ZFPM2: variants seen among roughly 807,000 people sequenced by gnomAD.
ZFPM2 encodes the protein zinc finger protein, FOG family member 2.
ZFPM2 carries 20 observed loss-of-function variants against 98.6 expected under a neutral mutation model. The observed-to-expected ratio is 0.20, with a 90% CI of 0.14 to 0.29. The LOEUF (loss-of-function observed/expected upper bound fraction) is 0.29, where lower values mean the gene tolerates loss of function less well. Ranked by LOEUF, ZFPM2 falls within the 10% of genes least tolerant of loss-of-function variation. ZFPM2 has a pLI of 1.00. For missense variants in ZFPM2, 1,310 were observed against 1,388.6 expected (o/e 0.94, Z 0.90); for synonymous variants, 518 against 502.7 (o/e 1.03, Z -0.41).
intron 3 of ZFPM2, among the ~76,000 whole-genome samples, chr8:105,521,525 T>C (rs1393111990): frequency 6.6e-6 from 1 of 151,948 alleles, no homozygotes; most frequent in African/African-American, 2.4e-5. Flanking sequence ...AGAAAAAATA[T>C]GGAACTCAAA....
chr8:105,318,843 C>CCAGCGG lies in ZFPM2; in HGVS notation c.-97_-92dup, dbSNP rs1163821565. 7.7e-4 allele frequency: 345 copies of CCAGCGG among 445,996 alleles called. 1 individual carries two copies. In the East Asian group the frequency reaches 0.037, roughly 48 times the overall value. The allele number at this position is 445,996 out of a possible 1,614,324, so 27.6% of individuals were successfully genotyped here. ...CCGGCCGGCGGCGGGCCGAGCCTGG[C>CCAGCGG]CAGCGGCGGCGGCGGCGGCGGCGGC... is the stretch of plus-strand genomic sequence containing the variant. On this transcript the variant is annotated 5_prime_UTR_variant, in exon 1 of 8. Coordinates refer to ENST00000407775, the MANE Select transcript of ZFPM2 (RefSeq NM_012082.4).
intron 5 of ZFPM2, among the ~76,000 whole-genome samples, chr8:105,697,131 A>G (rs1240998999): frequency 2.0e-5 from 3 of 152,202 alleles, no homozygotes; most frequent in African/African-American, 7.2e-5. Flanking sequence ...CCAACTTCAT[A>G]TAATTTAAAA....
intron 3 of ZFPM2, among the ~76,000 whole-genome samples, chr8:105,545,063 A>G (rs979939843): frequency 6.6e-6 from 1 of 152,192 alleles, no homozygotes; most frequent in Non-Finnish European, 1.5e-5. Flanking sequence ...AGAAGCTGAA[A>G]TTATTAGAAT....
At chr8:105,621,556 A>C (rs1289625268) in intron 4 of ZFPM2, among the ~76,000 whole-genome samples, 4 of 152,166 alleles carry the variant, frequency 2.6e-5, no homozygotes, top group Non-Finnish European at 5.9e-5. Context: ...AGAACTTCCA[A>C]CACTATGTTG....
intron 1 of ZFPM2, among the ~76,000 whole-genome samples, chr8:105,342,827 A>G (rs1319454246): frequency 2.0e-5 from 3 of 152,188 alleles, no homozygotes; most frequent in African/African-American, 7.2e-5. Context: ...GGATATGAAA[A>G]TAGCAACATA....
At chr8:105,359,884 C>G (rs1157038254) in intron 1 of ZFPM2, among the ~76,000 whole-genome samples, 16 of 152,262 alleles carry the variant, frequency 1.1e-4, no homozygotes, top group Admixed American at 1.0e-3. Context: ...TTCAGCTGAA[C>G]TGATTAAAAT....
intron 5 of ZFPM2, among the ~76,000 whole-genome samples, chr8:105,648,767 T>A (rs2130863904): frequency 1.3e-5 from 2 of 152,342 alleles, no homozygotes; most frequent in East Asian, 3.9e-4. Flanking sequence ...ACCATGCTGT[T>A]TTGGTTTCTG....
At chr8:105,361,649 T>A (rs1187924866) in intron 1 of ZFPM2, among the ~76,000 whole-genome samples, 2 of 152,162 alleles carry the variant, frequency 1.3e-5, no homozygotes, top group Non-Finnish European at 2.9e-5. Flanking sequence ...GTAGATTACA[T>A]CATCTGTATT....
At position 105,444,366 on chromosome 8, in the gene ZFPM2, G is replaced by A. The variant is rs772042320; in HGVS notation, c.286G>A (p.Asp96Asn). Reference protein sequence around the residue: ...KPGQPGVETDDWDGPGELEVF... With the variant: ...KPGQPGVETDNWDGPGELEVF... ...GGGGCAACCTGGAGTTGAGACAGAC[G>A]ACTGGGATGGACCAGGTAGGGGAGA... is the stretch of plus-strand genomic sequence containing the variant. Residue 96 changes from aspartate (D) to asparagine (N), a missense_variant, in exon 3 of 8, where the codon GAC (aspartate) becomes AAC (asparagine). Transcript: ENST00000407775. 6.2e-7 allele frequency: 1 copy of A among 1,611,070 alleles called. No individual in the cohort carries two copies. The highest frequency in any genetic ancestry group is 8.5e-7 in the Non-Finnish European group (1 of 1,178,318).
intron 5 of ZFPM2, among the ~76,000 whole-genome samples, chr8:105,783,210 G>GTTTTTTTTT (rs753557703): frequency 1.7e-4 from 15 of 88,920 alleles, no homozygotes; most frequent in Non-Finnish European, 2.4e-4. Flanking sequence ...TTTCTTTATG[G>GTTTTTTTTT]TTTTTTTTTT....
Position 105,401,385 on chromosome 8 carries a change from A to C in ZFPM2, c.41-17759A>C, listed in dbSNP as rs965674868. On this transcript the variant is annotated intron_variant, in intron 1 of 7. Transcript: ENST00000407775. ...AACATTCTGCTTGATGTTTAAAAAA[A>C]TGCTTTACTGCCTTTTGCTCTTTAA... Among the ~76,000 whole-genome samples the C allele has an allele frequency of 2.8e-4, 42 of 152,248 alleles. 1 individual carries two copies. In the South Asian group the frequency reaches 2.9e-3, roughly 11 times the overall value.
At chr8:105,781,294 G>T (rs1813242918) in intron 5 of ZFPM2, among the ~76,000 whole-genome samples, 1 of 151,212 alleles carries the variant, frequency 6.6e-6, no homozygotes, top group Non-Finnish European at 1.5e-5. Flanking sequence ...TTAAGGAATT[G>T]GGAAAGTGCT....
At chr8:105,775,682 C>G (rs1813089747) in intron 5 of ZFPM2, among the ~76,000 whole-genome samples, 1 of 152,078 alleles carries the variant, frequency 6.6e-6, no homozygotes, top group African/African-American at 2.4e-5. Context: ...GTGTATGTCA[C>G]CTCTTGGCTG....
intron 4 of ZFPM2, among the ~76,000 whole-genome samples, chr8:105,568,146 T>A: frequency 6.6e-6 from 1 of 152,096 alleles, no homozygotes; most frequent in Non-Finnish European, 1.5e-5. Flanking sequence ...AATTTACAAA[T>A]GACATTTAAA....
chr8:105,442,304 A>C (rs552891944), intron 2 of ZFPM2, among the ~76,000 whole-genome samples: 31 of 152,290 alleles, frequency 2.0e-4, no homozygotes, highest in African/African-American at 6.0e-4. Context: ...AGATCGCGCC[A>C]CTGCACTCCA....
At chr8:105,663,270 A>G (rs1817427727) in intron 5 of ZFPM2, among the ~76,000 whole-genome samples, 1 of 152,214 alleles carries the variant, frequency 6.6e-6, no homozygotes, top group Non-Finnish European at 1.5e-5. Flanking sequence ...AGTCACGCAG[A>G]TAATTATGAC....
At chr8:105,641,603 T>C (rs1291253144) in intron 5 of ZFPM2, among the ~76,000 whole-genome samples, 2 of 152,110 alleles carry the variant, frequency 1.3e-5, no homozygotes, top group African/African-American at 4.8e-5. Context: ...CTTCTGCAAA[T>C]AGTGAGCCTT....
chr8:105,701,253 C>T (rs12543786), intron 5 of ZFPM2, among the ~76,000 whole-genome samples: 22,940 of 152,046 alleles, frequency 0.15, 1,875 homozygotes, highest in South Asian at 0.29. Context: ...TGGAAAAAGA[C>T]AGAAATTTCT....
At chr8:105,335,803 A>G (rs939085163) in intron 1 of ZFPM2, among the ~76,000 whole-genome samples, 10 of 151,814 alleles carry the variant, frequency 6.6e-5, no homozygotes, top group Non-Finnish European at 1.2e-4. Flanking sequence ...AAGAGTAATG[A>G]GGATTATTGA....
Sources: gnomAD v4.1 joint callset for allele counts (sites outside exome capture counted in the v4.1 genomes callset) on GRCh38, gnomAD v4.1.1 for gene constraint, MANE v1.5 for transcripts, NCBI Gene and HGNC (gene_info 2026-07-23, HGNC 2026-07-21) for gene names.